ECT2: variants seen among roughly 807,000 people sequenced by gnomAD.
ECT2 encodes protein ECT2.
In ECT2, 61 loss-of-function variants were observed where a neutral mutation model predicts 116.9. The observed-to-expected ratio is 0.52, with a 90% CI of 0.42 to 0.65. The LOEUF (loss-of-function observed/expected upper bound fraction) is 0.65. Ranked by LOEUF, ECT2 falls within the 30% of genes least tolerant of loss-of-function variation. ECT2 has a pLI of 0.00. For missense variants in ECT2, 937 were observed against 1,078.7 expected (o/e 0.87, Z 1.84); for synonymous variants, 358 against 346.4 (o/e 1.03, Z -0.37).
chr3:172,754,739 T>G, intron 2 of ECT2, 79 bp downstream of exon 2: 1 of 1,119,150 alleles, frequency 8.9e-7, no homozygotes, highest in Non-Finnish European at 1.3e-6. Context: ...AAGATTTAAT[T>G]TTAATACCAA....
chr3:172,828,864 TGA>T, the ECT2 span: 1 of 1,171,324 alleles, frequency 8.5e-7, no homozygotes, highest in African/African-American at 1.5e-5. Flanking sequence ...GACGAGTGCC[TGA>T]GAGACGGGTT....
chr3:172,755,225 A>G, intron 2 of ECT2, 70 bp from the exon 3 acceptor site: 1 of 1,224,628 alleles, frequency 8.2e-7, no homozygotes, highest in Non-Finnish European at 1.1e-6. Context: ...TATAGCCAAA[A>G]GAGCGATAAG....
At chr3:172,792,427 A>G (rs1724845081) in intron 18 of ECT2, among the ~76,000 whole-genome samples, 1 of 147,604 alleles carries the variant, frequency 6.8e-6, no homozygotes, top group African/African-American at 2.5e-5. Context: ...CTATGATTTT[A>G]TGTACGTGGA....
At chr3:172,811,014 TAGTA>T (rs1237410143) in intron 22 of ECT2, among the ~76,000 whole-genome samples, 1 of 152,192 alleles carries the variant, frequency 6.6e-6, no homozygotes, top group Non-Finnish European at 1.5e-5. Context: ...TTTGGAATTA[TAGTA>T]AGTATCTATT....
chr3:172,780,052 C>A (rs1269815581), intron 14 of ECT2, among the ~76,000 whole-genome samples: 1 of 152,106 alleles, frequency 6.6e-6, no homozygotes, highest in South Asian at 2.1e-4. Context: ...CTACACCCAG[C>A]CATAGGCAAC....
At chr3:172,779,238 C>G (rs975109319) in intron 14 of ECT2, among the ~76,000 whole-genome samples, 1 of 152,188 alleles carries the variant, frequency 6.6e-6, no homozygotes, top group African/African-American at 2.4e-5. Context: ...TGCCAGAATT[C>G]ACTGCATTAT....
At position 172,789,305 on chromosome 3, in the gene ECT2, C is replaced by T. The variant is rs552063516; in HGVS notation, c.1907+2731C>T. Among the ~76,000 whole-genome samples the T allele has an allele frequency of 1.1e-4, 17 of 151,176 alleles. No homozygotes were observed. In the East Asian group the frequency reaches 3.3e-3, roughly 29 times the overall value. On this transcript the variant is annotated intron_variant, in intron 18 of 24. Coordinates refer to ENST00000392692, the MANE Select transcript of ECT2 (RefSeq NM_001258315.2). Reference sequence around the variant, plus strand: ...CACAGTCTCAACTCACTGAAGCCTCCACCTCCTCCCACCTCATCCTCTTGA... The same window carrying T: ...CACAGTCTCAACTCACTGAAGCCTCTACCTCCTCCCACCTCATCCTCTTGA...
In ECT2 at chr3:172,773,989, C is replaced by A. The variant is rs1348724640; in HGVS notation, c.1515C>A (p.Ile505=). 6.2e-7 allele frequency: 1 copy of A among 1,612,864 alleles called. No individual in the cohort carries two copies. The highest frequency in any genetic ancestry group is 8.5e-7 in the Non-Finnish European group (1 of 1,178,950). ...PEEIKTIFGS[I]PDIFDVHTKI... ...AGATTAAGACTATTTTTGGTAGCAT[C>A]CCAGATATCTTTGATGTACACACTA... Residue 505 remains isoleucine (I), a synonymous_variant, in exon 14 of 25, where the codon ATC becomes ATA. Transcript: ENST00000392692.
chr3:172,765,904 C>T (rs997352351), intron 12 of ECT2, among the ~76,000 whole-genome samples: 2 of 152,154 alleles, frequency 1.3e-5, no homozygotes, highest in African/African-American at 4.8e-5. Flanking sequence ...ACTTTCTCTG[C>T]CTCAAGGAAA....
chr3:172,774,646 C>G (rs1721322996), intron 14 of ECT2, among the ~76,000 whole-genome samples: 1 of 152,028 alleles, frequency 6.6e-6, no homozygotes, highest in Non-Finnish European at 1.5e-5. Flanking sequence ...TTGCATGCAA[C>G]CATGCCTGGC....
intron 24 of ECT2, among the ~76,000 whole-genome samples, chr3:172,819,668 A>ATGTACATCTGAGT (rs1730409562): frequency 1.3e-5 from 2 of 152,116 alleles, no homozygotes. Flanking sequence ...ACACTCACAT[A>ATGTACATCTGAGT]TGTACATCTG....
intron 18 of ECT2, among the ~76,000 whole-genome samples, chr3:172,787,409 T>G (rs1723802578): frequency 6.6e-6 from 1 of 152,200 alleles, no homozygotes. Flanking sequence ...CCAGCTTTTG[T>G]TGCTGCTGAA....
At chr3:172,803,945 T>C (rs1727195575) in intron 20 of ECT2, among the ~76,000 whole-genome samples, 1 of 151,938 alleles carries the variant, frequency 6.6e-6, no homozygotes, top group Non-Finnish European at 1.5e-5. Flanking sequence ...GCTGAGACTA[T>C]AGACACTCGC....
chr3:172,761,320 T>A (rs956635408), intron 7 of ECT2, among the ~76,000 whole-genome samples: 1 of 152,142 alleles, frequency 6.6e-6, no homozygotes, highest in Non-Finnish European at 1.5e-5. Context: ...GGTCATACTT[T>A]CAAGGAAGTA....
At chr3:172,776,060 C>A (rs1185825951) in intron 14 of ECT2, among the ~76,000 whole-genome samples, 14 of 152,110 alleles carry the variant, frequency 9.2e-5, no homozygotes, top group Non-Finnish European at 1.5e-5. Flanking sequence ...GAGTCATAAT[C>A]TTAATTTAGA....
chr3:172,798,608 T>G (rs1298815429), intron 18 of ECT2, among the ~76,000 whole-genome samples: 1 of 152,192 alleles, frequency 6.6e-6, no homozygotes, highest in African/African-American at 2.4e-5. Context: ...TGTTGGTTCT[T>G]TATGCAAATG....
intron 18 of ECT2, among the ~76,000 whole-genome samples, chr3:172,788,401 A>G (rs1723997047): frequency 6.6e-6 from 1 of 152,246 alleles, no homozygotes; most frequent in African/African-American, 2.4e-5. Flanking sequence ...TATTTAAAAT[A>G]TAGTTTGATT....
At chr3:172,805,956 T>C in intron 21 of ECT2, 87 bp downstream of exon 21, 1 of 1,387,612 alleles carries the variant, frequency 7.2e-7, no homozygotes, top group Non-Finnish European at 9.8e-7. Flanking sequence ...CTTTTTTAAA[T>C]TGGTAAATTA....
intron 23 of ECT2, 141 bp from the exon 24 acceptor site, chr3:172,816,549 GT>G: frequency 1.0e-5 from 6 of 576,810 alleles, no homozygotes; most frequent in Non-Finnish European, 1.4e-5. Flanking sequence ...TTTCCTCACT[GT>G]TTTGTGCCAA....
Sources: allele counts gnomAD v4.1 joint callset (sites outside exome capture counted in the v4.1 genomes callset), GRCh38; gene constraint gnomAD v4.1.1; transcripts MANE v1.5; gene names NCBI Gene and HGNC (gene_info 2026-07-23, HGNC 2026-07-21).